Variants in CRISPLD2 observed in about 807,000 individuals in gnomAD.
The protein encoded by CRISPLD2 is cysteine-rich secretory protein LCCL domain-containing 2.
In CRISPLD2, 47 loss-of-function variants were observed where a neutral mutation model predicts 71.1. The observed-to-expected ratio is 0.66, with a 90% CI of 0.52 to 0.84. CRISPLD2 has a LOEUF of 0.84. CRISPLD2 is among the 40% of genes least tolerant of loss of function. The pLI is 0.00. For synonymous variants in CRISPLD2, 317 were observed against 250.1 expected (o/e 1.27, Z -2.52); for missense variants, 830 against 651.1 (o/e 1.27, Z -2.99).
intron 12 of CRISPLD2, among the ~76,000 whole-genome samples, chr16:84,878,084 C>T (rs543578481): frequency 8.9e-4 from 134 of 150,070 alleles, no homozygotes; most frequent in African/African-American, 3.1e-3. Context: ...ATTAGCCGGG[C>T]GTGGTGGCGG....
At chr16:84,905,811 G>A (rs1013619954) in intron 14 of CRISPLD2, among the ~76,000 whole-genome samples, 2 of 150,590 alleles carry the variant, frequency 1.3e-5, no homozygotes, top group Non-Finnish European at 2.9e-5. Context: ...CCAGGTTCAA[G>A]TGATTCTTCT....
intron 14 of CRISPLD2, among the ~76,000 whole-genome samples, chr16:84,901,793 T>C (rs1295132253): frequency 3.7e-5 from 5 of 134,640 alleles, no homozygotes; most frequent in Admixed American, 7.4e-5. Flanking sequence ...TGCACTTTTT[T>C]TTTTTTTTTT....
chr16:84,894,296 G>C (rs527613390), intron 14 of CRISPLD2, among the ~76,000 whole-genome samples: 163 of 152,356 alleles, frequency 1.1e-3, no homozygotes, highest in Non-Finnish European at 2.0e-3. Context: ...CTGGGTGAAT[G>C]TCAGTTCAGA....
At position 84,877,351 on chromosome 16, in the gene CRISPLD2, G is replaced by A. The variant is rs2071528194; in HGVS notation, c.1157-87G>A. 3 of 1,210,500 alleles carry A rather than the reference G, an allele frequency of 2.5e-6. No individual in the cohort carries two copies. The South Asian group carries it at 3.8e-5, about 15-fold the overall frequency. The allele number at this position is 1,210,500 out of a possible 1,614,324, so 75.0% of individuals were successfully genotyped here. A position where few individuals can be genotyped will look rare whatever the true frequency, so the allele number is the denominator to read the frequency against. On this transcript the variant is annotated intron_variant, in intron 11 of 14. Coordinates refer to ENST00000262424, the MANE Select transcript of CRISPLD2 (RefSeq NM_031476.4). ...GGGCCCAGGGAACCCATAGGCCCTG[G>A]TAGTCTAGTGGCCCATTGCACAGCC...
chr16:84,825,808 A>C (rs937153556), intron 1 of CRISPLD2, among the ~76,000 whole-genome samples: 1 of 151,948 alleles, frequency 6.6e-6, no homozygotes, highest in Non-Finnish European at 1.5e-5. Flanking sequence ...AAATAAAAGA[A>C]GAAAAAAAAT....
chr16:84,896,946 G>A (rs1355290802), intron 14 of CRISPLD2, among the ~76,000 whole-genome samples: 1 of 152,200 alleles, frequency 6.6e-6, no homozygotes, highest in Non-Finnish European at 1.5e-5. Context: ...ACCAGAACCG[G>A]CCGTCCACCC....
chr16:84,866,870 T>A (rs747323287), intron 6 of CRISPLD2, 27 bp from the exon 7 acceptor site: 3 of 1,602,100 alleles, frequency 1.9e-6, no homozygotes, highest in Non-Finnish European at 2.6e-6. Flanking sequence ...AGTGTGTTAT[T>A]TTTTTTCCTC....
chr16:84,885,390 T>C (rs924528664), intron 13 of CRISPLD2, among the ~76,000 whole-genome samples: 2 of 152,242 alleles, frequency 1.3e-5, no homozygotes, highest in East Asian at 1.9e-4. Context: ...TCTTTGAGAA[T>C]TGAGAAGTTG....
At chr16:84,877,671 G>A (rs1456424581) in intron 12 of CRISPLD2, among the ~76,000 whole-genome samples, 161 bp downstream of exon 12, 3 of 151,814 alleles carry the variant, frequency 2.0e-5, no homozygotes, top group East Asian at 1.9e-4. Context: ...CCAACATGGT[G>A]AAACCCCATT....
intron 14 of CRISPLD2, among the ~76,000 whole-genome samples, chr16:84,890,544 G>T (rs1296629670): frequency 6.6e-6 from 1 of 152,144 alleles, no homozygotes; most frequent in Non-Finnish European, 1.5e-5. Flanking sequence ...CCAGGGAGCA[G>T]ATCCTCCCCT....
At chr16:84,845,406 A>G (rs1382227133) in intron 2 of CRISPLD2, among the ~76,000 whole-genome samples, 1 of 152,220 alleles carries the variant, frequency 6.6e-6, no homozygotes, top group East Asian at 1.9e-4. Flanking sequence ...GACTGGGGTC[A>G]TCGGGACAGG....
At chr16:84,870,698 G>A (rs1245281723) in intron 8 of CRISPLD2, among the ~76,000 whole-genome samples, 2 of 152,182 alleles carry the variant, frequency 1.3e-5, no homozygotes, top group African/African-American at 4.8e-5. Context: ...TCTGACACAC[G>A]ACTGTACATG....
In CRISPLD2 at chr16:84,838,698, GC is replaced by G. The variant is rs767027939; in HGVS notation, c.205del (p.Gln69ArgfsTer12). On this transcript the variant is annotated frameshift_variant, in exon 2 of 15. Coordinates refer to ENST00000262424, the MANE Select transcript of CRISPLD2 (RefSeq NM_031476.4). LOFTEE classifies it high-confidence loss of function. ...CTCATGCTGCACAACAAGCTTCGGG[GC>G]CAGGTGCAGCCTCAGGCCTCCAACA... is the stretch of plus-strand genomic sequence containing the variant. ...EILMLHNKLR[G>X]QVQPQASNME... The G allele has an allele frequency of 6.2e-7, 1 of 1,614,032 alleles. No homozygotes were observed.
At chr16:84,876,893 TGTG>T (rs1392031011) in intron 11 of CRISPLD2, among the ~76,000 whole-genome samples, 1 of 151,944 alleles carries the variant, frequency 6.6e-6, no homozygotes, top group East Asian at 1.9e-4. Flanking sequence ...TTTCCTTACC[TGTG>T]TTGTTTAAAC....
intron 8 of CRISPLD2, among the ~76,000 whole-genome samples, chr16:84,871,782 C>G (rs1233910685): frequency 2.0e-5 from 3 of 150,484 alleles, no homozygotes; most frequent in African/African-American, 4.9e-5. Flanking sequence ...GAACTCCTGA[C>G]CTCAGGTGAT....
intron 2 of CRISPLD2, chr16:84,838,992 G>A (rs768625529): frequency 2.8e-5 from 17 of 609,860 alleles, no homozygotes; most frequent in East Asian, 6.5e-5. Flanking sequence ...GGGGTTAAGC[G>A]ATCCTGCTTC....
chr16:84,845,917 A>G lies in CRISPLD2; in HGVS notation c.359+13A>G, dbSNP rs377482783. The G allele has an allele frequency of 6.4e-7, 1 of 1,566,672 alleles. No homozygotes were observed. Among genetic ancestry groups the G allele is most frequent in the Non-Finnish European group, 8.8e-7 (1 of 1,138,050 alleles). ...CTCACTGGGGCAGGTAAGAGCCACAAGTTCCTCTCCGGCTGCCGCAGGACC... is the reference window on the plus strand; with the variant it reads ...CTCACTGGGGCAGGTAAGAGCCACAGGTTCCTCTCCGGCTGCCGCAGGACC... On this transcript the variant is annotated intron_variant, in intron 3 of 14. Coordinates refer to ENST00000262424, the MANE Select transcript of CRISPLD2 (RefSeq NM_031476.4).
At position 84,827,100 on chromosome 16, in the gene CRISPLD2, GC is replaced by G. The variant is rs562496896; in HGVS notation, c.-75+6972del. On this transcript the variant is annotated intron_variant, in intron 1 of 14. Transcript: ENST00000262424. ...CCCCGGTCACAGCAGAGCCTGGCCGGCCCCCAGAAGCCCCCCAGGCCCCTCT... is the reference window on the plus strand; with the variant it reads ...CCCCGGTCACAGCAGAGCCTGGCCGGCCCCAGAAGCCCCCCAGGCCCCTCT... Among the ~76,000 whole-genome samples, 229 of 152,036 alleles carry G rather than the reference GC, an allele frequency of 1.5e-3. 1 individual carries two copies. The highest frequency in any genetic ancestry group is 5.1e-3 in the African/African-American group (212 of 41,424).
intron 11 of CRISPLD2, among the ~76,000 whole-genome samples, chr16:84,875,418 T>TTTTTTTTTTTTTTTTTTTTG (rs2071509828): frequency 6.7e-6 from 1 of 148,652 alleles, no homozygotes; most frequent in African/African-American, 2.5e-5. Flanking sequence ...CATGGACTTT[T>TTTTTTTTTTTTTTTTTTTTG]TTTTTTTTTT....
Sources: allele counts gnomAD v4.1 joint callset (sites outside exome capture counted in the v4.1 genomes callset), GRCh38; gene constraint gnomAD v4.1.1; transcripts MANE v1.5; gene names NCBI Gene and HGNC (gene_info 2026-07-23, HGNC 2026-07-21).